The following KCNN2 variants were observed in gnomAD, a reference collection of about 807,000 sequenced individuals.
The protein encoded by KCNN2 is potassium calcium-activated channel subfamily N member 2.
A neutral mutation model predicts 55.5 loss-of-function variants in KCNN2; 24 were observed. The ratio of observed to expected loss-of-function variants is 0.43; its 90% CI spans 0.31 to 0.61. The LOEUF (loss-of-function observed/expected upper bound fraction) is 0.61, where lower values mean the gene tolerates loss of function less well. Among genes scored for constraint, KCNN2 ranks in the 20% least tolerant of loss-of-function variants. KCNN2 has a pLI of 0.08. For synonymous variants in KCNN2, 431 were observed against 336.1 expected (o/e 1.28, Z -3.09); for missense variants, 754 against 853.6 (o/e 0.88, Z 1.45).
intron 1 of KCNN2, among the ~76,000 whole-genome samples, chr5:114,168,200 C>A (rs1752959750): frequency 6.6e-6 from 1 of 151,284 alleles, no homozygotes; most frequent in Non-Finnish European, 1.5e-5. Context: ...CACACACACA[C>A]AACATCTAGG....
intron 2 of KCNN2, among the ~76,000 whole-genome samples, chr5:114,245,285 G>A (rs1754727682): frequency 6.6e-6 from 1 of 152,214 alleles, no homozygotes; most frequent in Non-Finnish European, 1.5e-5. Flanking sequence ...GTATTTGGGT[G>A]TCTGGTTAGA....
intron 2 of KCNN2, among the ~76,000 whole-genome samples, chr5:114,342,103 G>T (rs570010814): frequency 1.3e-5 from 2 of 151,888 alleles, no homozygotes; most frequent in African/African-American, 4.8e-5. Context: ...GGGTTTCGCC[G>T]TGTTAGCCAG....
At chr5:114,306,703 T>C (rs1580710187) in intron 2 of KCNN2, among the ~76,000 whole-genome samples, 1 of 145,810 alleles carries the variant, frequency 6.9e-6, no homozygotes, top group East Asian at 2.0e-4. Flanking sequence ...TTTTTTTCTT[T>C]TTTTTTTTTT....
intron 2 of KCNN2, among the ~76,000 whole-genome samples, chr5:114,328,337 G>T (rs1409808051): frequency 6.6e-6 from 1 of 152,100 alleles, no homozygotes; most frequent in Non-Finnish European, 1.5e-5. Context: ...CATGGGTTAA[G>T]GAATAGATTT....
chr5:114,315,187 T>C (rs1201284153), intron 2 of KCNN2, among the ~76,000 whole-genome samples: 1 of 152,158 alleles, frequency 6.6e-6, no homozygotes, highest in East Asian at 1.9e-4. Flanking sequence ...TGGCCTTGTA[T>C]GTTGTGTTGT....
intron 2 of KCNN2, among the ~76,000 whole-genome samples, chr5:114,247,993 T>C (rs1580658594): frequency 1.3e-5 from 2 of 152,324 alleles, no homozygotes; most frequent in Non-Finnish European, 2.9e-5. Context: ...TTCTTTGCTT[T>C]CCGTCCTGAC....
At chr5:114,364,255 A>G (rs1436759759) in intron 2 of KCNN2, among the ~76,000 whole-genome samples, 2 of 152,202 alleles carry the variant, frequency 1.3e-5, no homozygotes, top group Non-Finnish European at 2.9e-5. Context: ...ACTTCTCTTC[A>G]GTAGGTGGAT....
intron 3 of KCNN2, among the ~76,000 whole-genome samples, chr5:114,458,029 T>C (rs1439584349): frequency 6.6e-6 from 1 of 152,210 alleles, no homozygotes; most frequent in Non-Finnish European, 1.5e-5. Context: ...TAAGAATGTG[T>C]TGTTTCTTCT....
chr5:114,255,151 C>T (rs938593158), intron 2 of KCNN2, among the ~76,000 whole-genome samples: 4 of 152,064 alleles, frequency 2.6e-5, no homozygotes, highest in Admixed American at 6.6e-5. Flanking sequence ...CGGTGAAAGG[C>T]ACATGGGTAT....
intron 2 of KCNN2, among the ~76,000 whole-genome samples, chr5:114,334,033 G>C (rs1458222192): frequency 6.6e-6 from 1 of 152,056 alleles, no homozygotes; most frequent in African/African-American, 2.4e-5. Flanking sequence ...CACATGTTTT[G>C]TGGGTTCAAT....
At chr5:114,411,986 T>C (rs910031572) in intron 3 of KCNN2, among the ~76,000 whole-genome samples, 1 of 152,224 alleles carries the variant, frequency 6.6e-6, no homozygotes, top group African/African-American at 2.4e-5. Context: ...AAATAGCTGC[T>C]TTTAGCACAA....
At chr5:114,446,955 T>C (rs1044698347) in intron 3 of KCNN2, among the ~76,000 whole-genome samples, 1 of 152,174 alleles carries the variant, frequency 6.6e-6, no homozygotes, top group Admixed American at 6.5e-5. Context: ...AACTTAAAAA[T>C]CTAGTTCCTC....
chr5:114,067,818 T>C (rs962614317), intron 1 of KCNN2, among the ~76,000 whole-genome samples: 1 of 152,232 alleles, frequency 6.6e-6, no homozygotes, highest in Non-Finnish European at 1.5e-5. Flanking sequence ...CTCTCTATAT[T>C]GTTAGCCTTC....
chr5:114,347,751 A>G (rs1224361962), intron 2 of KCNN2, among the ~76,000 whole-genome samples: 2 of 152,226 alleles, frequency 1.3e-5, no homozygotes, highest in Non-Finnish European at 2.9e-5. Flanking sequence ...ACAAACCAAA[A>G]GAAAAACCCC....
At chr5:114,385,983 C>G (rs1047595729) in intron 2 of KCNN2, among the ~76,000 whole-genome samples, 3 of 151,338 alleles carry the variant, frequency 2.0e-5, no homozygotes, top group African/African-American at 7.3e-5. Flanking sequence ...TCGAGACCAG[C>G]CTGGCTAACA....
intron 2 of KCNN2, among the ~76,000 whole-genome samples, chr5:114,261,431 G>T (rs1316900323): frequency 6.6e-6 from 1 of 152,162 alleles, no homozygotes; most frequent in African/African-American, 2.4e-5. Context: ...ACAGGATTCA[G>T]TGAGAAGGAA....
intron 1 of KCNN2, among the ~76,000 whole-genome samples, chr5:114,181,003 T>C (rs1177131507): frequency 1.3e-5 from 2 of 152,244 alleles, no homozygotes; most frequent in Admixed American, 1.3e-4. Context: ...TATTTCATCA[T>C]GTATATTTAT....
intron 2 of KCNN2, among the ~76,000 whole-genome samples, chr5:114,325,084 T>C (rs1329736549): frequency 6.6e-6 from 1 of 152,214 alleles, no homozygotes; most frequent in Non-Finnish European, 1.5e-5. Flanking sequence ...CAGGATTGTG[T>C]CCTACAGTTA....
chr5:114,179,619 G>C (rs897108304), intron 1 of KCNN2, among the ~76,000 whole-genome samples: 10 of 152,038 alleles, frequency 6.6e-5, no homozygotes, highest in African/African-American at 2.4e-4. Context: ...GACAGTGTTT[G>C]GACTTCTGAA....
Sources: allele counts gnomAD v4.1 joint callset (sites outside exome capture counted in the v4.1 genomes callset), GRCh38; gene constraint gnomAD v4.1.1; transcripts MANE v1.5; gene names NCBI Gene and HGNC (gene_info 2026-07-23, HGNC 2026-07-21).